The following ARHGAP22 variants were observed in gnomAD, a reference collection of about 807,000 sequenced individuals.
The protein encoded by ARHGAP22 is Rho GTPase activating protein 22.
Under a neutral mutation model 59.1 loss-of-function variants are expected in ARHGAP22, and 48 were observed. That is an observed-to-expected ratio of 0.81 (90% CI 0.64 to 1.03). ARHGAP22 has a LOEUF of 1.03. Ranked by LOEUF, ARHGAP22 falls within the 50% of genes least tolerant of loss-of-function variation. ARHGAP22 has a pLI of 0.00. For synonymous variants in ARHGAP22, 445 were observed against 416.4 expected, an observed-to-expected ratio of 1.07 and a Z score of -0.84; for missense variants, 1,015 against 958.7, an observed-to-expected ratio of 1.06 and a Z score of -0.78.
upstream of ARHGAP22, among the ~76,000 whole-genome samples, chr10:48,607,129 T>C (rs1378362420): frequency 6.6e-6 from 1 of 152,182 alleles, no homozygotes; most frequent in East Asian, 1.9e-4. Context: ...TTGTGAGTAA[T>C]GCAGCCTGGA....
At chr10:48,538,789 C>G (rs1463867421) in intron 3 of ARHGAP22, among the ~76,000 whole-genome samples, 2 of 152,178 alleles carry the variant, frequency 1.3e-5, no homozygotes, top group African/African-American at 4.8e-5. Flanking sequence ...GAAATCTTCA[C>G]TCTGCTTCAG....
intron 1 of ARHGAP22, among the ~76,000 whole-genome samples, chr10:48,594,370 C>T (rs2059940711): frequency 6.6e-6 from 1 of 152,250 alleles, no homozygotes; most frequent in Non-Finnish European, 1.5e-5. Context: ...CTGCCTCCTC[C>T]ACCCCGTCTC....
At chr10:48,546,894 C>T (rs973615143) in intron 3 of ARHGAP22, among the ~76,000 whole-genome samples, 2 of 152,168 alleles carry the variant, frequency 1.3e-5, no homozygotes, top group African/African-American at 4.8e-5. Flanking sequence ...GATCTGGGTT[C>T]TCAGTGAATC....
chr10:48,586,533 G>A (rs73300297), intron 1 of ARHGAP22, among the ~76,000 whole-genome samples: 11,607 of 152,252 alleles, frequency 0.076, 484 homozygotes, highest in Middle Eastern at 0.11. Context: ...GGCAGAGAAT[G>A]GACCACTCTC....
chr10:48,605,078 C>T (rs1215564018), upstream of ARHGAP22: 2 of 1,346,278 alleles, frequency 1.5e-6, no homozygotes, highest in African/African-American at 3.0e-5. Context: ...ATCACTGGAC[C>T]AGGGCGGGGC....
chr10:48,450,530 G>A lies in ARHGAP22; in HGVS notation c.1599C>T (p.Arg533=), dbSNP rs568861341. ...GGSLSSCTAC[R]ASDSSARSSL... is the part of the protein sequence containing the mutation. ...AACTGCGGGCAGACGAGTCGCTGGC[G>A]CGGCAGGCCGTGCAGCTGCTGAGTG... The change falls in exon 9 of 10, where the codon CGC becomes CGT. Residue 533 remains arginine (R), a synonymous_variant. Coordinates refer to ENST00000249601, the MANE Select transcript of ARHGAP22 (RefSeq NM_021226.4). 4 of 1,518,386 alleles carry A rather than the reference G, an allele frequency of 2.6e-6. No homozygotes were observed. Among genetic ancestry groups the A allele is most frequent in the East Asian group, 2.4e-5 (1 of 40,878 alleles). 94.1% of individuals were successfully genotyped at this position (1,518,386 alleles called of 1,614,324 possible). A position where few individuals can be genotyped will look rare whatever the true frequency, so the allele number is the denominator to read the frequency against.
chr10:48,543,783 C>T (rs1486603775), intron 3 of ARHGAP22, among the ~76,000 whole-genome samples: 2 of 151,838 alleles, frequency 1.3e-5, no homozygotes, highest in African/African-American at 4.8e-5. Context: ...ATTAAAATCT[C>T]ATTGGAAGCT....
chr10:48,644,434 C>T (rs901971701), intron 1 of ARHGAP22, among the ~76,000 whole-genome samples: 2 of 152,070 alleles, frequency 1.3e-5, no homozygotes, highest in African/African-American at 4.8e-5. Context: ...CTAATTTGAC[C>T]CAATCAACAT....
chr10:48,564,834 C>G lies in ARHGAP22; in HGVS notation c.235-9284G>C, dbSNP rs543006609. Among the ~76,000 whole-genome samples, 83 of 152,344 alleles carry G rather than the reference C, an allele frequency of 5.4e-4. 1 individual carries two copies. Among genetic ancestry groups the G allele is most frequent in the African/African-American group, 1.7e-3 (70 of 41,582 alleles). ...GCAAGTACTTTCCAGGTCCTCTGAT[C>G]AGGGTCTGCACACATCCCTGCCTGC... is the stretch of plus-strand genomic sequence containing the variant. On this transcript the variant is annotated intron_variant, in intron 2 of 9. Coordinates refer to ENST00000249601, the MANE Select transcript of ARHGAP22 (RefSeq NM_021226.4).
At chr10:48,471,702 T>C (rs899221193) in intron 4 of ARHGAP22, among the ~76,000 whole-genome samples, 1 of 152,164 alleles carries the variant, frequency 6.6e-6, no homozygotes, top group Non-Finnish European at 1.5e-5. Flanking sequence ...GAGCTTATCA[T>C]CCTACTTGCA....
chr10:48,452,203 G>A (rs1306236514), intron 8 of ARHGAP22, among the ~76,000 whole-genome samples: 1 of 152,180 alleles, frequency 6.6e-6, no homozygotes, highest in Admixed American at 6.5e-5. Context: ...AAGGACCAGG[G>A]CATCTATCCA....
chr10:48,446,455 T>C lies in ARHGAP22; in HGVS notation c.2033A>G (p.Glu678Gly), dbSNP rs926459548. Residue 678 changes from glutamate (E) to glycine (G), a missense_variant, in exon 10 of 10, where the codon GAG (glutamate) becomes GGG (glycine). Glu to Gly is a moderately conservative substitution (Grantham distance 98). Transcript: ENST00000249601. ...GCTTCCTAGGGTCGAAAAAAACTCC[T>C]CCATTTCCCTCTGCAACAGCTGGTT... ...RRNQLLQREMEEFFSTLGSLT... is the reference protein window; with the variant it reads ...RRNQLLQREMGEFFSTLGSLT... 1 of 1,614,026 alleles carries C rather than the reference T, an allele frequency of 6.2e-7. No homozygotes were observed. The highest frequency in any genetic ancestry group is 1.3e-5 in the African/African-American group (1 of 74,912).
At chr10:48,592,605 C>T (rs1268768897) in intron 1 of ARHGAP22, among the ~76,000 whole-genome samples, 1 of 152,198 alleles carries the variant, frequency 6.6e-6, no homozygotes, top group Non-Finnish European at 1.5e-5. Flanking sequence ...AGGGCTAGTC[C>T]TTGGCCCCCA....
intron 1 of ARHGAP22, among the ~76,000 whole-genome samples, chr10:48,603,719 C>T (rs1045152895): frequency 6.6e-6 from 1 of 152,198 alleles, no homozygotes; most frequent in African/African-American, 2.4e-5. Flanking sequence ...CAGGGTTCAG[C>T]CCATGCGAAA....
At chr10:48,557,568 A>G (rs1455793491) in intron 2 of ARHGAP22, among the ~76,000 whole-genome samples, 1 of 152,158 alleles carries the variant, frequency 6.6e-6, no homozygotes, top group Non-Finnish European at 1.5e-5. Context: ...ACCGCCCACA[A>G]GGGTGTGCTG....
intron 5 of ARHGAP22, among the ~76,000 whole-genome samples, chr10:48,456,583 T>C (rs1247349955): frequency 6.6e-6 from 1 of 152,116 alleles, no homozygotes; most frequent in Non-Finnish European, 1.5e-5. Flanking sequence ...CGCAAGAGAC[T>C]GGGGGAAGGG....
chr10:48,642,114 C>T (rs1191638108), intron 1 of ARHGAP22, among the ~76,000 whole-genome samples: 1 of 152,132 alleles, frequency 6.6e-6, no homozygotes, highest in Non-Finnish European at 1.5e-5. Flanking sequence ...AAGAACATTC[C>T]ATACTCATGG....
At chr10:48,617,075 A>G (rs781257053) in intron 1 of ARHGAP22, among the ~76,000 whole-genome samples, 1 of 146,282 alleles carries the variant, frequency 6.8e-6, no homozygotes, top group South Asian at 2.1e-4. Context: ...GCAGGGGGGA[A>G]CAGAGATATA....
At chr10:48,542,819 C>T (rs187841962) in intron 3 of ARHGAP22, among the ~76,000 whole-genome samples, 122 of 152,322 alleles carry the variant, frequency 8.0e-4, no homozygotes, top group African/African-American at 2.9e-3. Flanking sequence ...TGGGGGTGGC[C>T]TGTCCACTGC....
Sources: allele counts gnomAD v4.1 joint callset (sites outside exome capture counted in the v4.1 genomes callset), GRCh38; gene constraint gnomAD v4.1.1; transcripts MANE v1.5; gene names NCBI Gene and HGNC (gene_info 2026-07-23, HGNC 2026-07-21).